TRAF3IP1: variants seen among roughly 807,000 people sequenced by gnomAD.
TRAF3IP1 encodes intraflagellar transport 54.
In TRAF3IP1, 53 loss-of-function variants were observed where a neutral mutation model predicts 89.9. That is an observed-to-expected ratio of 0.59 (90% CI 0.47 to 0.74). The LOEUF (loss-of-function observed/expected upper bound fraction) is 0.74. TRAF3IP1 is among the 30% of genes least tolerant of loss of function. TRAF3IP1 has a pLI of 0.00. For synonymous variants in TRAF3IP1, 311 were observed against 322.1 expected (o/e 0.97, Z 0.37); for missense variants, 806 against 866.1 (o/e 0.93, Z 0.87).
intron 15 of TRAF3IP1, among the ~76,000 whole-genome samples, chr2:238,386,411 C>T (rs1246383693): frequency 6.6e-6 from 1 of 152,202 alleles, no homozygotes. Flanking sequence ...CTCCCAGGTT[C>T]AAGCGATTCT....
intron 15 of TRAF3IP1, among the ~76,000 whole-genome samples, chr2:238,373,628 T>C (rs1340316243): frequency 1.3e-5 from 2 of 152,172 alleles, no homozygotes; most frequent in Non-Finnish European, 2.9e-5. Flanking sequence ...TCTTTTTTGG[T>C]TCCATATGAA....
intron 15 of TRAF3IP1, among the ~76,000 whole-genome samples, chr2:238,396,080 G>T (rs1294693227): frequency 3.9e-5 from 6 of 152,160 alleles, no homozygotes; most frequent in Admixed American, 3.3e-4. Context: ...ACATGCACAC[G>T]TATGTTTATT....
intron 15 of TRAF3IP1, among the ~76,000 whole-genome samples, chr2:238,370,279 GTGTC>G (rs1375611519): frequency 1.9e-4 from 29 of 151,956 alleles, no homozygotes; most frequent in Non-Finnish European, 1.6e-4. Flanking sequence ...GTGAATGTCT[GTGTC>G]TGTGTGTGCA....
intron 8 of TRAF3IP1, among the ~76,000 whole-genome samples, chr2:238,341,436 C>T (rs1698649043): frequency 6.6e-6 from 1 of 151,890 alleles, no homozygotes; most frequent in Non-Finnish European, 1.5e-5. Context: ...TCCTACATAG[C>T]CAGAAAAGTA....
intron 5 of TRAF3IP1, among the ~76,000 whole-genome samples, chr2:238,330,849 T>A (rs1698083584): frequency 6.6e-6 from 1 of 152,224 alleles, no homozygotes; most frequent in South Asian, 2.1e-4. Flanking sequence ...TCTTTCCCCC[T>A]CCACTGCACA....
intron 12 of TRAF3IP1, among the ~76,000 whole-genome samples, chr2:238,352,146 C>T (rs1699199892): frequency 6.6e-6 from 1 of 151,892 alleles, no homozygotes; most frequent in Non-Finnish European, 1.5e-5. Flanking sequence ...TAGTAGGTGG[C>T]CCTGGAGAGC....
rs12477345 is a variant in TRAF3IP1, at chr2:238,334,326, T to C, written c.1063+291T>C. Among the ~76,000 whole-genome samples, 43,331 of 152,228 alleles carry C rather than the reference T, an allele frequency of 0.28. 7,662 individuals carry two copies. Among genetic ancestry groups the C allele is most frequent in the Middle Eastern group, 0.47 (138 of 294 alleles). On this transcript the variant is annotated intron_variant, in intron 7 of 16. Coordinates refer to ENST00000373327, the MANE Select transcript of TRAF3IP1 (RefSeq NM_015650.4). ...AATTTTCATTTTCCAGAAATACTTA[T>C]CAGCCATCTTCATTTCAGTAGTTCT...
intron 15 of TRAF3IP1, among the ~76,000 whole-genome samples, chr2:238,393,129 G>A (rs1559398093): frequency 6.6e-6 from 1 of 152,226 alleles, no homozygotes; most frequent in African/African-American, 2.4e-5. Flanking sequence ...GCCAAACTGT[G>A]TTCCAGAGTG....
At chr2:238,323,369 G>A (rs1281014145) in intron 1 of TRAF3IP1, among the ~76,000 whole-genome samples, 2 of 152,174 alleles carry the variant, frequency 1.3e-5, no homozygotes, top group Non-Finnish European at 2.9e-5. Flanking sequence ...GTGAGCTACT[G>A]TACCCAGCCT....
At chr2:238,398,667 C>A in intron 16 of TRAF3IP1, 87 bp from the exon 17 acceptor site, 1 of 1,328,822 alleles carries the variant, frequency 7.5e-7, no homozygotes, top group Admixed American at 2.7e-5. Flanking sequence ...GAATAATTTA[C>A]TTCTGTTGTC....
At chr2:238,325,256 G>A in intron 1 of TRAF3IP1, 50 bp from the exon 2 acceptor site, 1 of 1,575,826 alleles carries the variant, frequency 6.3e-7, no homozygotes. Flanking sequence ...TGAGGCTGAT[G>A]AGGAGGCTGT....
At chr2:238,397,727 G>GGGTGTAGCGGAGT in intron 16 of TRAF3IP1, 48 bp downstream of exon 16, 1 of 251,500 alleles carries the variant, frequency 4.0e-6, no homozygotes, top group Non-Finnish European at 6.8e-6. Flanking sequence ...AGCAGAGGTG[G>GGGTGTAGCGGAGT]GGGGTAGTAA....
In TRAF3IP1 at chr2:238,334,017, T is replaced by C; in HGVS notation, c.1045T>C (p.Ser349Pro). Residue 349 changes from serine to proline, a missense_variant, in exon 7 of 17, where the codon TCC becomes CCC. Ser to Pro is a moderately conservative substitution (Grantham distance 74, BLOSUM62 -1). Around this residue, in one of 3 missense-constraint regions of TRAF3IP1, gnomAD observed 732 missense variants for 780.5 expected, o/e 0.94. Coordinates refer to ENST00000373327, the MANE Select transcript of TRAF3IP1 (RefSeq NM_015650.4). ...GACAACAAAAACATCAAAACGGCGA[T>C]CCAAAAATTCAGTGGAAGGTACTGC... The part of the protein sequence containing the change: ...SLTTKTSKRR[S>P]KNSVEGRKED... The C allele has an allele frequency of 6.2e-7, 1 of 1,610,648 alleles. No homozygotes were observed. The highest frequency in any genetic ancestry group is 2.2e-5 in the East Asian group (1 of 44,838).
At chr2:238,392,236 TA>T (rs1701023750) in intron 15 of TRAF3IP1, among the ~76,000 whole-genome samples, 1 of 152,100 alleles carries the variant, frequency 6.6e-6, no homozygotes, top group Non-Finnish European at 1.5e-5. Flanking sequence ...ATAATAGAGA[TA>T]TACTGTATGC....
intron 15 of TRAF3IP1, among the ~76,000 whole-genome samples, chr2:238,396,093 G>A (rs1255019660): frequency 8.6e-5 from 13 of 151,940 alleles, no homozygotes; most frequent in Middle Eastern, 3.4e-3. Flanking sequence ...TGTTTATTGC[G>A]GCACTATTCA....
At chr2:238,386,759 T>G (rs1276363388) in intron 15 of TRAF3IP1, among the ~76,000 whole-genome samples, 1 of 152,188 alleles carries the variant, frequency 6.6e-6, no homozygotes, top group African/African-American at 2.4e-5. Flanking sequence ...GTTTGAAGAT[T>G]TCTCTGTTTT....
intron 15 of TRAF3IP1, among the ~76,000 whole-genome samples, chr2:238,392,850 G>A (rs1165780974): frequency 6.6e-6 from 1 of 152,090 alleles, no homozygotes; most frequent in Non-Finnish European, 1.5e-5. Context: ...TGCTGGGATT[G>A]CAGGCATGAG....
chr2:238,347,240 T>G, intron 9 of TRAF3IP1: 2 of 569,204 alleles, frequency 3.5e-6, no homozygotes, highest in South Asian at 2.2e-5. Context: ...CATTTTATGA[T>G]GCACAGTTTG....
At position 238,394,068 on chromosome 2, in the gene TRAF3IP1, C is replaced by T. The variant is rs1041514483; in HGVS notation, c.1690-3391C>T. ...AAAATTAGCTGGGCATGCTGGTGTG[C>T]GCCTGTGATCCCAGCTACTTGGGAG... On this transcript the variant is annotated intron_variant, in intron 15 of 16. Transcript: ENST00000373327. Among the ~76,000 whole-genome samples, 9 of 152,036 alleles carry T rather than the reference C, an allele frequency of 5.9e-5. No individual in the cohort carries two copies. The South Asian group carries it at 8.3e-4, about 14-fold the overall frequency.
Sources: gnomAD v4.1 joint callset for allele counts (sites outside exome capture counted in the v4.1 genomes callset) on GRCh38, gnomAD v4.1.1 for gene constraint, gnomAD v4.1.1 regional missense constraint, MANE v1.5 for transcripts, NCBI Gene and HGNC (gene_info 2026-07-23, HGNC 2026-07-21) for gene names.